Variants in ACSM3 observed in about 807,000 individuals in gnomAD.
ACSM3 encodes acyl-CoA synthetase medium chain family member 3.
A neutral mutation model predicts 74.1 loss-of-function variants in ACSM3; 61 were observed. The observed-to-expected ratio is 0.82, with a 90% CI of 0.67 to 1.02. The LOEUF (loss-of-function observed/expected upper bound fraction) is 1.02, where lower values mean the gene tolerates loss of function less well. Ranked by LOEUF, ACSM3 falls within the 50% of genes least tolerant of loss-of-function variation. The pLI is 0.00. For synonymous variants in ACSM3, 213 were observed against 241.5 expected, an observed-to-expected ratio of 0.88 and a Z score of 1.09; for missense variants, 660 against 697.0, an observed-to-expected ratio of 0.95 and a Z score of 0.60.
chr16:20,758,423 G>C (rs1463821490), intron 3 of ACSM3, among the ~76,000 whole-genome samples: 1 of 152,146 alleles, frequency 6.6e-6, no homozygotes, highest in Non-Finnish European at 1.5e-5. Context: ...TATTTGCGTA[G>C]AGGTGTTTGT....
chr16:20,755,784 C>A (rs1283240209), intron 3 of ACSM3, among the ~76,000 whole-genome samples: 18 of 80,798 alleles, frequency 2.2e-4, no homozygotes, highest in African/African-American at 4.7e-4. Flanking sequence ...ATCCCTCCCC[C>A]CCCCCCACCC....
In ACSM3 at chr16:20,777,544, C is replaced by G. The variant is rs2080270280; in HGVS notation, c.602C>G (p.Ser201Cys). The G allele has an allele frequency of 1.2e-6, 2 of 1,614,052 alleles. No individual in the cohort carries two copies. Among genetic ancestry groups the G allele is most frequent in the Non-Finnish European group, 1.7e-6 (2 of 1,179,976 alleles). The change falls in exon 4 of 14, where the codon TCC (serine) becomes TGC (cysteine). Residue 201 changes from serine (S) to cysteine (C), a missense_variant. Transcript: ENST00000289416. ...LHSKLIVSEN[S>C]REGWGNLKEL... ...TCCAAGCTGATTGTATCAGAGAACTCCAGAGAGGGGTGGGGGAACCTCAAG... is the reference window on the plus strand; with the variant it reads ...TCCAAGCTGATTGTATCAGAGAACTGCAGAGAGGGGTGGGGGAACCTCAAG...
In ACSM3 at chr16:20,696,088, A is replaced by G. The variant is rs138361718; in HGVS notation, c.-190+21266A>G. Among the ~76,000 whole-genome samples, 617 of 152,348 alleles carry G rather than the reference A, an allele frequency of 4.0e-3. 3 individuals are homozygous for G. Among genetic ancestry groups the G allele is most frequent in the Middle Eastern group, 0.017 (5 of 294 alleles). The stretch of plus-strand genomic sequence containing the variant: ...ACAGTATTTAATACAGCAACAAGCT[A>G]CATAGGTTTGTAGCCTAGAAGCAAT... On this transcript the variant is annotated intron_variant, in intron 1 of 3. Transcript: ENST00000561584.
chr16:20,724,490 T>C (rs540442459), intron 1 of ACSM3, among the ~76,000 whole-genome samples: 4 of 152,144 alleles, frequency 2.6e-5, no homozygotes, highest in Admixed American at 6.5e-5. Context: ...TGCCCTCTCT[T>C]ACCACTCCTA....
At chr16:20,691,250 G>C in intron 1 of ACSM3, 1 of 1,379,478 alleles carries the variant, frequency 7.2e-7, no homozygotes, top group Non-Finnish European at 9.7e-7. Flanking sequence ...CTTGGGAAGA[G>C]ATGGCTAATA....
chr16:20,689,853 T>C (rs900192221), intron 1 of ACSM3, among the ~76,000 whole-genome samples: 3 of 152,122 alleles, frequency 2.0e-5, no homozygotes, highest in African/African-American at 4.8e-5. Context: ...GGAGACTAGG[T>C]TAAATAATGG....
chr16:20,726,698 T>C (rs1367785137), intron 1 of ACSM3, among the ~76,000 whole-genome samples: 7 of 152,154 alleles, frequency 4.6e-5, no homozygotes, highest in Non-Finnish European at 1.0e-4. Context: ...TACTTACTAA[T>C]AGTGTGGCCT....
intron 4 of ACSM3, chr16:20,779,844 T>C: frequency 5.2e-6 from 1 of 193,498 alleles, no homozygotes. Context: ...CGATCTTGGC[T>C]CACTGCAACC....
chr16:20,724,918 G>C (rs1452538931), intron 1 of ACSM3, among the ~76,000 whole-genome samples: 1 of 152,168 alleles, frequency 6.6e-6, no homozygotes, highest in Non-Finnish European at 1.5e-5. Flanking sequence ...CATGCTCATG[G>C]GTAGGAAGAA....
At chr16:20,785,684 G>C (rs543560406) in intron 8 of ACSM3, among the ~76,000 whole-genome samples, 286 of 152,114 alleles carry the variant, frequency 1.9e-3, no homozygotes, top group African/African-American at 6.6e-3. Flanking sequence ...GGGAAAAGTT[G>C]AAAAAACTTT....
intron 1 of ACSM3, among the ~76,000 whole-genome samples, chr16:20,729,942 T>C (rs981239434): frequency 6.6e-6 from 1 of 152,194 alleles, no homozygotes; most frequent in Non-Finnish European, 1.5e-5. Context: ...TCCTATTTGA[T>C]AGCAATCAAC....
intron 1 of ACSM3, among the ~76,000 whole-genome samples, chr16:20,699,754 A>G (rs1028360539): frequency 6.6e-6 from 1 of 152,188 alleles, no homozygotes; most frequent in African/African-American, 2.4e-5. Flanking sequence ...GGCACCAGGC[A>G]GCCTGGGCTT....
intron 1 of ACSM3, among the ~76,000 whole-genome samples, chr16:20,710,125 T>C (rs1381015050): frequency 6.6e-6 from 1 of 152,212 alleles, no homozygotes; most frequent in East Asian, 1.9e-4. Flanking sequence ...AATTCAGACT[T>C]ATCTCCAGCC....
At chr16:20,759,174 C>T (rs920514464), upstream of ACSM3, among the ~76,000 whole-genome samples, 2 of 152,140 alleles carry the variant, frequency 1.3e-5, no homozygotes, top group African/African-American at 4.8e-5. Context: ...CATCCCCCTA[C>T]CTCTTGGGAG....
At chr16:20,715,984 C>A (rs755788165) in intron 1 of ACSM3, among the ~76,000 whole-genome samples, 3 of 152,164 alleles carry the variant, frequency 2.0e-5, no homozygotes, top group South Asian at 2.1e-4. Context: ...CCTTGGTTTT[C>A]CTGTACATGG....
chr16:20,717,910 A>AAGAAGAAGAAGGAGG lies in ACSM3; in HGVS notation c.-189-31994_-189-31980dup, dbSNP rs1567323152. ...GGGGAAGAAGGAGAAGGAGGAAAAA[A>AAGAAGAAGAAGGAGG]AGAAGAAGAAGGAGGAGAAGGAGAA... On this transcript the variant is annotated intron_variant, in intron 1 of 3. Transcript: ENST00000561584. 2.7e-5 allele frequency among the ~76,000 whole-genome samples: 4 copies of AAGAAGAAGAAGGAGG among 149,264 alleles called. 1 individual carries two copies. Among genetic ancestry groups the AAGAAGAAGAAGGAGG allele is most frequent in the Non-Finnish European group, 5.9e-5 (4 of 67,370 alleles).
At position 20,785,023 on chromosome 16, in the gene ACSM3, G is replaced by A. The variant is rs1335308563; in HGVS notation, c.1059G>A (p.Gly353=). The A allele has an allele frequency of 6.2e-7, 1 of 1,613,664 alleles. No individual in the cohort carries two copies. Among genetic ancestry groups the A allele is most frequent in the East Asian group, 2.2e-5 (1 of 44,850 alleles). ...GCTTAAAGCACTGTGTGAGTGCTGG[G>A]GAACCAATTACCCCTGACGTGACTG... ...FKSLKHCVSA[G]EPITPDVTEK... Residue 353 remains glycine, a synonymous_variant, in exon 8 of 14, where the codon GGG becomes GGA. Coordinates refer to ENST00000289416, the MANE Select transcript of ACSM3 (RefSeq NM_005622.4).
intron 1 of ACSM3, among the ~76,000 whole-genome samples, chr16:20,747,469 A>T (rs528822934): frequency 1.2e-4 from 18 of 152,220 alleles, no homozygotes; most frequent in Admixed American, 7.8e-4. Flanking sequence ...TTTCAAATTC[A>T]TGTATAAAAG....
At chr16:20,682,801 G>T (rs2079474183) in intron 1 of ACSM3, among the ~76,000 whole-genome samples, 1 of 152,162 alleles carries the variant, frequency 6.6e-6, no homozygotes, top group African/African-American at 2.4e-5. Context: ...GATGTAAACA[G>T]AACAGTGTCT....
Sources: gnomAD v4.1 joint callset for allele counts (sites outside exome capture counted in the v4.1 genomes callset) on GRCh38, gnomAD v4.1.1 for gene constraint, MANE v1.5 for transcripts, NCBI Gene and HGNC (gene_info 2026-07-23, HGNC 2026-07-21) for gene names.